NTM: variants seen among roughly 807,000 people sequenced by gnomAD.
The protein encoded by NTM is neurotrimin.
In NTM, 13 loss-of-function variants were observed where a neutral mutation model predicts 42.1. The ratio of observed to expected loss-of-function variants is 0.31; its 90% CI spans 0.20 to 0.49. The LOEUF (loss-of-function observed/expected upper bound fraction) is 0.49. NTM is among the 20% of genes least tolerant of loss of function. The pLI is 0.99. For synonymous variants in NTM, 187 were observed against 179.2 expected, an observed-to-expected ratio of 1.04 and a Z score of -0.35; for missense variants, 373 against 452.8, an observed-to-expected ratio of 0.82 and a Z score of 1.60.
At chr11:131,508,445 A>G (rs1408639877) in intron 1 of NTM, among the ~76,000 whole-genome samples, 3 of 147,894 alleles carry the variant, frequency 2.0e-5, no homozygotes, top group Non-Finnish European at 4.5e-5. Context: ...TGGGACTGTA[A>G]ACTAGTTCAA....
chr11:131,859,336 T>C (rs1452057634), intron 1 of NTM, among the ~76,000 whole-genome samples: 1 of 152,224 alleles, frequency 6.6e-6, no homozygotes, highest in African/African-American at 2.4e-5. Context: ...TAAAACTGTA[T>C]AGAGGACTGA....
At chr11:132,111,063 C>CAAAAAAAAAAAAAAAAAAAAAAA (rs57458373) in intron 2 of NTM, among the ~76,000 whole-genome samples, 5 of 35,466 alleles carry the variant, frequency 1.4e-4, no homozygotes, top group Non-Finnish European at 1.4e-4. Flanking sequence ...GGCCCTATCT[C>CAAAAAAAAAAAAAAAAAAAAAAA]AAAAAAAAAA....
intron 1 of NTM, among the ~76,000 whole-genome samples, chr11:131,439,588 G>C (rs1434395123): frequency 6.6e-6 from 1 of 152,250 alleles, no homozygotes; most frequent in Non-Finnish European, 1.5e-5. Context: ...AGCGAGCAAA[G>C]CTCTGTGGGC....
intron 2 of NTM, among the ~76,000 whole-genome samples, chr11:131,977,879 A>G (rs2064649925): frequency 6.6e-6 from 1 of 152,220 alleles, no homozygotes; most frequent in Non-Finnish European, 1.5e-5. Context: ...TGATATGCAA[A>G]AACAGCCCAA....
intron 8 of NTM, among the ~76,000 whole-genome samples, chr11:132,331,620 A>G (rs1348440075): frequency 2.0e-5 from 3 of 152,204 alleles, no homozygotes; most frequent in Non-Finnish European, 4.4e-5. Flanking sequence ...CCAATGAGAT[A>G]CAGACTCTGC....
chr11:132,066,255 C>G (rs1175281080), intron 2 of NTM, among the ~76,000 whole-genome samples: 1 of 152,170 alleles, frequency 6.6e-6, no homozygotes, highest in East Asian at 1.9e-4. Flanking sequence ...ATGCTCTGCT[C>G]TCTGTGAATC....
rs559907815 is a variant in NTM at position 132,269,689 on chromosome 11, G to C, written c.527-38000G>C. The stretch of plus-strand genomic sequence containing the variant: ...CTTCATGACATGATACTGACTGAGA[G>C]TGACCACTGCACTGTGGCTGTTGAG... On this transcript the variant is annotated intron_variant, in intron 4 of 8. Transcript: ENST00000683400. Among the ~76,000 whole-genome samples, 7 of 152,350 alleles carry C rather than the reference G, an allele frequency of 4.6e-5. No homozygotes were observed. In the South Asian group the frequency reaches 1.4e-3, roughly 32 times the overall value.
chr11:131,901,675 C>G (rs2053178802), intron 1 of NTM, among the ~76,000 whole-genome samples: 1 of 152,068 alleles, frequency 6.6e-6, no homozygotes, highest in Non-Finnish European at 1.5e-5. Flanking sequence ...AGATAGTCTT[C>G]TCATTACTCA....
At chr11:131,836,640 G>T (rs1335377556) in intron 1 of NTM, among the ~76,000 whole-genome samples, 2 of 152,096 alleles carry the variant, frequency 1.3e-5, no homozygotes, top group African/African-American at 2.4e-5. Context: ...TGAGTGGTTG[G>T]ACCTTTACTG....
chr11:131,459,923 G>T (rs1375508160), intron 1 of NTM, among the ~76,000 whole-genome samples: 1 of 152,064 alleles, frequency 6.6e-6, no homozygotes, highest in Admixed American at 6.5e-5. Context: ...TAGGAAGTGG[G>T]CCAGGTTTTG....
intron 4 of NTM, among the ~76,000 whole-genome samples, chr11:132,301,674 A>G (rs1310614801): frequency 6.6e-6 from 1 of 152,228 alleles, no homozygotes; most frequent in East Asian, 1.9e-4. Flanking sequence ...CACCTGATGC[A>G]ACCTGAGATG....
intron 1 of NTM, among the ~76,000 whole-genome samples, chr11:131,532,082 A>C (rs1411353442): frequency 6.6e-6 from 1 of 152,180 alleles, no homozygotes; most frequent in Admixed American, 6.5e-5. Flanking sequence ...AATATACATA[A>C]CATCAAATTT....
chr11:131,828,099 T>C (rs2042345371), intron 1 of NTM, among the ~76,000 whole-genome samples: 1 of 151,760 alleles, frequency 6.6e-6, no homozygotes, highest in Admixed American at 6.6e-5. Context: ...AAATTCTACC[T>C]GCCAAATTTT....
At chr11:131,889,513 C>A (rs563924927) in intron 1 of NTM, among the ~76,000 whole-genome samples, 1 of 152,162 alleles carries the variant, frequency 6.6e-6, no homozygotes, top group Non-Finnish European at 1.5e-5. Flanking sequence ...GTGACTTTGA[C>A]GGCCCAGTGT....
intron 3 of NTM, among the ~76,000 whole-genome samples, chr11:132,209,397 G>A (rs1328022698): frequency 4.6e-5 from 7 of 151,288 alleles, no homozygotes; most frequent in African/African-American, 1.5e-4. Flanking sequence ...GCAATTGAGT[G>A]TGTATGTGTA....
chr11:132,004,654 A>ACAAC (rs746575374), intron 2 of NTM, among the ~76,000 whole-genome samples: 4 of 136,022 alleles, frequency 2.9e-5, no homozygotes, highest in African/African-American at 9.1e-5. Context: ...ACACACACAC[A>ACAAC]ACACACACAC....
chr11:131,782,713 A>G (rs568481426), intron 1 of NTM, among the ~76,000 whole-genome samples: 1 of 152,274 alleles, frequency 6.6e-6, no homozygotes, highest in African/African-American at 2.4e-5. Context: ...AATTGATATA[A>G]CTGTATATTA....
At chr11:132,318,969 C>T (rs1477368461) in intron 7 of NTM, among the ~76,000 whole-genome samples, 1 of 152,130 alleles carries the variant, frequency 6.6e-6, no homozygotes, top group African/African-American at 2.4e-5. Flanking sequence ...TGATGTACAG[C>T]ACCACAGCGA....
At chr11:132,147,139 C>A (rs566583948) in intron 3 of NTM, among the ~76,000 whole-genome samples, 1 of 151,654 alleles carries the variant, frequency 6.6e-6, no homozygotes, top group East Asian at 1.9e-4. Context: ...GCCTTCTTCT[C>A]CTCCCCTGAC....
Sources: gnomAD v4.1 joint callset for allele counts (sites outside exome capture counted in the v4.1 genomes callset) on GRCh38, gnomAD v4.1.1 for gene constraint, MANE v1.5 for transcripts, NCBI Gene and HGNC (gene_info 2026-07-23, HGNC 2026-07-21) for gene names.